TRPM3: variants seen among roughly 807,000 people sequenced by gnomAD.
TRPM3 encodes transient receptor potential cation channel subfamily M member 3.
A neutral mutation model predicts 181.2 loss-of-function variants in TRPM3; 77 were observed. The observed-to-expected ratio is 0.42, with a 90% CI of 0.35 to 0.51. The LOEUF (loss-of-function observed/expected upper bound fraction) is 0.51. TRPM3 is among the 20% of genes least tolerant of loss of function. TRPM3 has a pLI of 0.01. For missense variants in TRPM3, 1,759 were observed against 2,196.7 expected (o/e 0.80, Z 3.98); for synonymous variants, 745 against 796.4 (o/e 0.94, Z 1.09).
intron 22 of TRPM3, among the ~76,000 whole-genome samples, chr9:70,580,687 T>G (rs2055415682): frequency 6.6e-6 from 1 of 152,230 alleles, no homozygotes; most frequent in Non-Finnish European, 1.5e-5. Context: ...CTGTTTAGAA[T>G]GCCCTGTCAT....
At chr9:70,616,130 G>C in intron 17 of TRPM3, 55 bp from the exon 18 acceptor site, 1 of 1,401,792 alleles carries the variant, frequency 7.1e-7, no homozygotes, top group Middle Eastern at 2.6e-4. Context: ...TTAAGATTAG[G>C]GTGGTTGTTT....
At chr9:70,791,218 C>T (rs956290775) in intron 6 of TRPM3, among the ~76,000 whole-genome samples, 1 of 152,150 alleles carries the variant, frequency 6.6e-6, no homozygotes, top group African/African-American at 2.4e-5. Flanking sequence ...CCAATGCAAA[C>T]CAATCCTGTA....
chr9:71,378,766 A>G (rs540029170), intron 1 of TRPM3, among the ~76,000 whole-genome samples: 7 of 152,162 alleles, frequency 4.6e-5, no homozygotes, highest in African/African-American at 1.7e-4. Context: ...TTTTTAGTAA[A>G]TCATACTTGC....
At chr9:70,864,534 A>G (rs767672318) in intron 1 of TRPM3, 23 bp from the exon 2 acceptor site, 63 of 1,465,582 alleles carry the variant, frequency 4.3e-5, no homozygotes, top group Non-Finnish European at 5.2e-5. Flanking sequence ...ACAAAAAAAA[A>G]AAAAAAAGAA....
intron 1 of TRPM3, among the ~76,000 whole-genome samples, chr9:71,043,188 C>T (rs55898916): frequency 0.016 from 2,412 of 152,306 alleles, 40 homozygotes; most frequent in Middle Eastern, 0.041. Flanking sequence ...CATATTCTCT[C>T]TCAATTCCTT....
intron 22 of TRPM3, among the ~76,000 whole-genome samples, chr9:70,571,298 G>A (rs547071329): frequency 6.6e-6 from 1 of 152,188 alleles, no homozygotes; most frequent in African/African-American, 2.4e-5. Flanking sequence ...CTTCAATTAT[G>A]AATTAGGTAA....
At chr9:70,976,229 T>G (rs538654396) in intron 1 of TRPM3, among the ~76,000 whole-genome samples, 2 of 152,220 alleles carry the variant, frequency 1.3e-5, no homozygotes, top group South Asian at 2.1e-4. Context: ...AGGAGCAAGG[T>G]GGATTGAGCA....
At chr9:71,430,459 T>C (rs1030845617) in intron 1 of TRPM3, among the ~76,000 whole-genome samples, 1 of 152,204 alleles carries the variant, frequency 6.6e-6, no homozygotes. Context: ...AGATTTTAAA[T>C]ATACTTGGCT....
At chr9:70,564,816 G>C (rs1482851863) in intron 22 of TRPM3, among the ~76,000 whole-genome samples, 2 of 152,158 alleles carry the variant, frequency 1.3e-5, no homozygotes, top group South Asian at 2.1e-4. Flanking sequence ...GATCAATGTG[G>C]CTCCTAATAT....
intron 19 of TRPM3, among the ~76,000 whole-genome samples, chr9:70,606,651 GTATA>G (rs1554775917): frequency 2.1e-4 from 30 of 140,742 alleles, no homozygotes; most frequent in African/African-American, 2.6e-4. Context: ...GTGTGTGTGT[GTATA>G]TATATATATA....
chr9:70,968,672 G>GT (rs1173202887), intron 1 of TRPM3, among the ~76,000 whole-genome samples: 8 of 151,922 alleles, frequency 5.3e-5, no homozygotes, highest in South Asian at 2.1e-4. Flanking sequence ...TTGTGGGATG[G>GT]TTTTTTTTGT....
chr9:70,780,258 T>C (rs1260016019), intron 7 of TRPM3, among the ~76,000 whole-genome samples: 1 of 152,142 alleles, frequency 6.6e-6, no homozygotes, highest in Non-Finnish European at 1.5e-5. Flanking sequence ...TAAGAATCTT[T>C]AAATTAACTT....
chr9:71,190,607 C>T (rs967096263), intron 1 of TRPM3, among the ~76,000 whole-genome samples: 7 of 151,846 alleles, frequency 4.6e-5, no homozygotes, highest in Admixed American at 1.3e-4. Flanking sequence ...TTTGTATAAA[C>T]ATTTCAAAAA....
At chr9:70,846,919 C>G (rs1028716772) in intron 3 of TRPM3, among the ~76,000 whole-genome samples, 1 of 152,138 alleles carries the variant, frequency 6.6e-6, no homozygotes, top group Non-Finnish European at 1.5e-5. Context: ...ATGTGTACAA[C>G]AGTTCAAATG....
chr9:70,672,363 T>C (rs1170447834), intron 9 of TRPM3, among the ~76,000 whole-genome samples: 1 of 152,200 alleles, frequency 6.6e-6, no homozygotes, highest in East Asian at 1.9e-4. Flanking sequence ...AGTCTGGTAC[T>C]GCTCATGATC....
chr9:70,826,230 A>T (rs2093550127), intron 6 of TRPM3: 1 of 152,318 alleles, frequency 6.6e-6, no homozygotes, highest in African/African-American at 2.4e-5. Flanking sequence ...ACATTTGCCC[A>T]TTCTATCAAG....
chr9:71,419,791 A>G (rs190300597), intron 1 of TRPM3, among the ~76,000 whole-genome samples: 1 of 152,000 alleles, frequency 6.6e-6, no homozygotes, highest in Admixed American at 6.6e-5. Context: ...TCTGACATAA[A>G]TCATCTCAAT....
chr9:70,579,231 C>G (rs907861193), intron 22 of TRPM3: 1 of 152,160 alleles, frequency 6.6e-6, no homozygotes. Context: ...ATCCCACGAC[C>G]CATCAGCATG....
At chr9:71,004,176 T>C (rs1199412287) in intron 1 of TRPM3, among the ~76,000 whole-genome samples, 2 of 152,202 alleles carry the variant, frequency 1.3e-5, no homozygotes, top group Admixed American at 6.5e-5. Flanking sequence ...GTCACATGGA[T>C]AAGACTGGCC....
Sources: allele counts gnomAD v4.1 joint callset (sites outside exome capture counted in the v4.1 genomes callset), GRCh38; gene constraint gnomAD v4.1.1; transcripts MANE v1.5; gene names NCBI Gene and HGNC (gene_info 2026-07-23, HGNC 2026-07-21).